GRID2: variants seen among roughly 807,000 people sequenced by gnomAD.
GRID2 encodes glutamate ionotropic receptor delta type subunit 2, also known as glutamate receptor ionotropic, delta-2.
In GRID2, 33 loss-of-function variants were observed where a neutral mutation model predicts 114.8. The observed-to-expected ratio is 0.29, with a 90% CI of 0.22 to 0.38. The LOEUF (loss-of-function observed/expected upper bound fraction) is 0.38. Ranked by LOEUF, GRID2 falls within the 10% of genes least tolerant of loss-of-function variation. The pLI is 1.00. For missense variants in GRID2, 1,184 were observed against 1,257.7 expected (o/e 0.94, Z 0.89); for synonymous variants, 505 against 449.9 (o/e 1.12, Z -1.55).
chr4:92,458,598 AAAC>A (rs1376189919), intron 1 of GRID2, among the ~76,000 whole-genome samples: 3 of 152,196 alleles, frequency 2.0e-5, no homozygotes, highest in Non-Finnish European at 2.9e-5. Context: ...TGACAGGAAC[AAAC>A]AACAAATTTA....
chr4:93,809,652 C>T (rs1184857540), exon 2 of GRID2: 4 of 152,120 alleles, frequency 2.6e-5, no homozygotes, highest in African/African-American at 7.2e-5. Flanking sequence ...AAAATCGATT[C>T]ATTGTTTATA....
chr4:93,287,039 G>A (rs72874907), intron 8 of GRID2, among the ~76,000 whole-genome samples: 5,976 of 151,918 alleles, frequency 0.039, 301 homozygotes, highest in African/African-American at 0.11. Flanking sequence ...GATACCCAGC[G>A]TTATCCTTCA....
chr4:93,607,967 T>G (rs551283574), intron 13 of GRID2, among the ~76,000 whole-genome samples: 1 of 151,886 alleles, frequency 6.6e-6, no homozygotes, highest in South Asian at 2.1e-4. Context: ...CAGTCTTTTC[T>G]TGGCTTTGTG....
intron 1 of GRID2, among the ~76,000 whole-genome samples, chr4:92,360,507 T>A (rs1728563767): frequency 6.6e-6 from 1 of 151,988 alleles, no homozygotes; most frequent in African/African-American, 2.4e-5. Flanking sequence ...AAAATGCGGT[T>A]CTTTTCCTAA....
chr4:92,703,237 G>A (rs1309872926), intron 2 of GRID2, among the ~76,000 whole-genome samples: 1 of 152,160 alleles, frequency 6.6e-6, no homozygotes, highest in Admixed American at 6.5e-5. Context: ...TATCTATTTT[G>A]TGCTTAACAG....
intron 1 of GRID2, among the ~76,000 whole-genome samples, chr4:92,439,243 G>A (rs1288065378): frequency 1.3e-5 from 2 of 152,026 alleles, no homozygotes; most frequent in Non-Finnish European, 2.9e-5. Flanking sequence ...TTAAGGCAAG[G>A]ACCGGCCATT....
Position 92,559,431 on chromosome 4 carries a change from T to C in GRID2, c.89-30700T>C, listed in dbSNP as rs561113731. Among the ~76,000 whole-genome samples the C allele has an allele frequency of 2.5e-4, 38 of 152,312 alleles. 1 individual carries two copies. In the East Asian group the frequency reaches 5.8e-3, roughly 23 times the overall value. ...ATTTGCGTTATACTTAGGTTCAGTATTCCTAATCCAACATGCCTCAATGAG... is the reference window on the plus strand; with the variant it reads ...ATTTGCGTTATACTTAGGTTCAGTACTCCTAATCCAACATGCCTCAATGAG... On this transcript the variant is annotated intron_variant, in intron 1 of 15. Transcript: ENST00000282020.
At chr4:92,464,306 C>G (rs934731372) in intron 1 of GRID2, among the ~76,000 whole-genome samples, 1 of 152,008 alleles carries the variant, frequency 6.6e-6, no homozygotes, top group Non-Finnish European at 1.5e-5. Flanking sequence ...AGGATTTTTA[C>G]TACCGTTCTT....
At chr4:93,499,545 T>C (rs1727893923) in intron 12 of GRID2, among the ~76,000 whole-genome samples, 1 of 151,860 alleles carries the variant, frequency 6.6e-6, no homozygotes. Context: ...TCTGGAGCTT[T>C]ACATGCTCTT....
chr4:92,650,872 T>C (rs1579767289), intron 2 of GRID2, among the ~76,000 whole-genome samples: 1 of 152,024 alleles, frequency 6.6e-6, no homozygotes, highest in Admixed American at 6.6e-5. Flanking sequence ...TACAGTCTTC[T>C]GTAGGACCCT....
intron 2 of GRID2, among the ~76,000 whole-genome samples, chr4:92,833,524 A>G (rs1742257108): frequency 6.6e-6 from 1 of 152,206 alleles, no homozygotes; most frequent in South Asian, 2.1e-4. Flanking sequence ...ATGACTTAAA[A>G]TATTCTTATT....
intron 2 of GRID2, among the ~76,000 whole-genome samples, chr4:92,998,102 G>A (rs1358962753): frequency 1.3e-5 from 2 of 151,836 alleles, no homozygotes; most frequent in African/African-American, 4.8e-5. Context: ...AGACATTTGG[G>A]TTGACAGTTC....
chr4:92,852,164 G>C (rs1481816529), intron 2 of GRID2, among the ~76,000 whole-genome samples: 1 of 151,868 alleles, frequency 6.6e-6, no homozygotes. Flanking sequence ...GTATGTGGAG[G>C]GGGGTGTATT....
intron 8 of GRID2, among the ~76,000 whole-genome samples, chr4:93,392,406 T>TGCC (rs1764943665): frequency 6.6e-6 from 1 of 152,200 alleles, no homozygotes; most frequent in Non-Finnish European, 1.5e-5. Context: ...TCAAACACTA[T>TGCC]GCCTGTCATT....
intron 14 of GRID2, among the ~76,000 whole-genome samples, chr4:93,734,582 C>T (rs1394873777): frequency 6.6e-6 from 1 of 151,862 alleles, no homozygotes; most frequent in Non-Finnish European, 1.5e-5. Context: ...AATGATGTTT[C>T]CCTTTTGAAC....
intron 9 of GRID2, among the ~76,000 whole-genome samples, chr4:93,408,108 G>T (rs1320293454): frequency 1.3e-5 from 2 of 152,190 alleles, no homozygotes; most frequent in Admixed American, 1.3e-4. Context: ...GTCTACTGGG[G>T]AATAAAGAAG....
At chr4:93,242,001 G>T (rs1373022300) in intron 8 of GRID2, among the ~76,000 whole-genome samples, 1 of 151,706 alleles carries the variant, frequency 6.6e-6, no homozygotes, top group Non-Finnish European at 1.5e-5. Context: ...GAGAGGATTG[G>T]ATCAAGAATT....
At chr4:93,311,601 G>A (rs1438004092) in intron 8 of GRID2, among the ~76,000 whole-genome samples, 1 of 152,188 alleles carries the variant, frequency 6.6e-6, no homozygotes, top group Admixed American at 6.5e-5. Context: ...CTGGGAGAGA[G>A]CATCAATGAG....
At chr4:93,796,621 G>T (rs2110362910) in intron 1 of GRID2, among the ~76,000 whole-genome samples, 1 of 152,296 alleles carries the variant, frequency 6.6e-6, no homozygotes, top group South Asian at 2.1e-4. Flanking sequence ...TCGGCTCACT[G>T]CAACCTCCAC....
Sources: allele counts gnomAD v4.1 joint callset (sites outside exome capture counted in the v4.1 genomes callset), GRCh38; gene constraint gnomAD v4.1.1; transcripts MANE v1.5; gene names NCBI Gene and HGNC (gene_info 2026-07-23, HGNC 2026-07-21).